GLIS3: variants seen among roughly 807,000 people sequenced by gnomAD.
GLIS3 encodes the protein GLIS family zinc finger 3.
A neutral mutation model predicts 78.6 loss-of-function variants in GLIS3; 53 were observed. That is an observed-to-expected ratio of 0.67 (90% CI 0.54 to 0.85). The LOEUF is 0.85. Among genes scored for constraint, GLIS3 ranks in the 40% least tolerant of loss-of-function variants. GLIS3 has a pLI of 0.00. For synonymous variants in GLIS3, 684 were observed against 509.9 expected (o/e 1.34, Z -4.60); for missense variants, 1,703 against 1,231.1 (o/e 1.38, Z -5.74).
chr9:4,308,642 C>G (rs904826302), intron 4 of GLIS3: 1 of 152,878 alleles, frequency 6.5e-6, no homozygotes, highest in African/African-American at 2.4e-5. Context: ...GGCCCCACCC[C>G]CCAGAGATTC....
the GLIS3 span, among the ~76,000 whole-genome samples, chr9:4,455,333 A>C: frequency 0.067 from 10,197 of 152,290 alleles, 626 homozygotes; most frequent in East Asian, 0.22. Flanking sequence ...ACAACTAAAT[A>C]GCATTATCCA....
intron 4 of GLIS3, among the ~76,000 whole-genome samples, chr9:4,037,116 TA>T (rs1340614307): frequency 6.6e-6 from 1 of 152,230 alleles, no homozygotes; most frequent in African/African-American, 2.4e-5. Context: ...GGAATAGCTT[TA>T]CCTTCCTTAC....
At chr9:4,074,762 G>T (rs546739291) in intron 4 of GLIS3, among the ~76,000 whole-genome samples, 1 of 152,186 alleles carries the variant, frequency 6.6e-6, no homozygotes, top group South Asian at 2.1e-4. Context: ...CAGCCTCCTG[G>T]TCTCAGCCAT....
chr9:3,846,338 C>G (rs1304990641), intron 9 of GLIS3, among the ~76,000 whole-genome samples: 1 of 152,158 alleles, frequency 6.6e-6, no homozygotes, highest in Non-Finnish European at 1.5e-5. Flanking sequence ...CTGATACTCA[C>G]TAGGTATATG....
At chr9:4,385,822 G>C in the GLIS3 span, among the ~76,000 whole-genome samples, 2 of 40,092 alleles carry the variant, frequency 5.0e-5, 1 homozygote, top group Non-Finnish European at 1.2e-4. Context: ...AAGAAAGAAA[G>C]AGAAAAGAAA....
intron 3 of GLIS3, among the ~76,000 whole-genome samples, chr9:4,119,393 A>C (rs1406442118): frequency 6.6e-6 from 1 of 152,184 alleles, no homozygotes; most frequent in Non-Finnish European, 1.5e-5. Flanking sequence ...CCTCAAAGTC[A>C]AAGGGTTGTC....
intron 4 of GLIS3, among the ~76,000 whole-genome samples, chr9:4,069,977 G>A (rs1182588338): frequency 1.3e-5 from 2 of 152,042 alleles, no homozygotes; most frequent in Non-Finnish European, 2.9e-5. Flanking sequence ...GAGGCCAGGA[G>A]AGACCCAGGG....
chr9:3,862,392 C>G (rs892399788), intron 8 of GLIS3, among the ~76,000 whole-genome samples: 3 of 152,190 alleles, frequency 2.0e-5, no homozygotes, highest in Non-Finnish European at 4.4e-5. Context: ...TGAACTTGCT[C>G]AGCCCTGAAC....
At chr9:4,183,732 C>G (rs1161071215) in intron 2 of GLIS3, among the ~76,000 whole-genome samples, 1 of 152,216 alleles carries the variant, frequency 6.6e-6, no homozygotes, top group Non-Finnish European at 1.5e-5. Flanking sequence ...TTCAACTAGA[C>G]TAGCTTTACA....
chr9:4,006,034 C>T (rs1445726019), intron 4 of GLIS3, among the ~76,000 whole-genome samples: 6 of 152,126 alleles, frequency 3.9e-5, no homozygotes, highest in African/African-American at 1.4e-4. Flanking sequence ...CCTTCCTTAC[C>T]TGCTGTTTCA....
intron 2 of GLIS3, among the ~76,000 whole-genome samples, chr9:4,310,933 G>A (rs1242385718): frequency 6.6e-6 from 1 of 152,210 alleles, no homozygotes; most frequent in East Asian, 1.9e-4. Context: ...GTAGTCTGAA[G>A]CTAGAGATTT....
rs186896490 is a variant in GLIS3 at position 4,061,745 on chromosome 9, T to C, written c.1710+56023A>G. ...GCCAACAACATGACGTCCTGAAATG[T>C]TTCTAAAGAAAAAAAGCAGTATGAT... is the stretch of plus-strand genomic sequence containing the variant. On this transcript the variant is annotated intron_variant, in intron 4 of 10. Coordinates refer to ENST00000381971, the MANE Select transcript of GLIS3 (RefSeq NM_001042413.2). 1.1e-3 allele frequency among the ~76,000 whole-genome samples: 168 copies of C among 152,298 alleles called. 2 individuals carry two copies. The highest frequency in any genetic ancestry group is 3.7e-4 in the Non-Finnish European group (25 of 68,030).
the GLIS3 span, among the ~76,000 whole-genome samples, chr9:4,472,140 T>G: frequency 6.6e-6 from 1 of 152,152 alleles, no homozygotes; most frequent in African/African-American, 2.4e-5. Flanking sequence ...GAAATAGGAA[T>G]GCTTTTACAC....
At chr9:4,044,141 G>C (rs547892924) in intron 4 of GLIS3, among the ~76,000 whole-genome samples, 1 of 152,136 alleles carries the variant, frequency 6.6e-6, no homozygotes, top group South Asian at 2.1e-4. Context: ...CATCAGAAAG[G>C]ACATGGGGAG....
the GLIS3 span, among the ~76,000 whole-genome samples, chr9:4,374,059 A>G: frequency 1.3e-5 from 2 of 152,206 alleles, no homozygotes; most frequent in Non-Finnish European, 2.9e-5. Context: ...CAACGAATGG[A>G]ATAGGTAATG....
intron 2 of GLIS3, among the ~76,000 whole-genome samples, chr9:4,182,212 T>C (rs1281505088): frequency 6.6e-6 from 1 of 152,180 alleles, no homozygotes; most frequent in Non-Finnish European, 1.5e-5. Flanking sequence ...TCTGGCTGAG[T>C]TCTGTAGACA....
chr9:4,334,232 T>C (rs1361514457), intron 2 of GLIS3, among the ~76,000 whole-genome samples: 1 of 152,222 alleles, frequency 6.6e-6, no homozygotes. Flanking sequence ...ATAGTGTAAA[T>C]TCCAGGCAGG....
rs564487135 is a variant in GLIS3 at position 3,849,113 on chromosome 9, T to C, written c.2473+6896A>G. 3.9e-5 allele frequency among the ~76,000 whole-genome samples: 6 copies of C among 152,280 alleles called. 1 individual carries two copies. Among genetic ancestry groups the C allele is most frequent in the African/African-American group, 1.4e-4 (6 of 41,568 alleles). ...ACATGGATGACAGAAATCTCTGTGT[T>C]GGCAACTGGAAACTCCAGAGGGATG... On this transcript the variant is annotated intron_variant, in intron 9 of 10. Coordinates refer to ENST00000381971, the MANE Select transcript of GLIS3 (RefSeq NM_001042413.2).
chr9:4,365,235 C>T, the GLIS3 span, among the ~76,000 whole-genome samples: 3 of 151,996 alleles, frequency 2.0e-5, no homozygotes, highest in East Asian at 1.9e-4. Context: ...ACATGCATGG[C>T]GTAAGATATG....
Sources: gnomAD v4.1 joint callset for allele counts (sites outside exome capture counted in the v4.1 genomes callset) on GRCh38, gnomAD v4.1.1 for gene constraint, MANE v1.5 for transcripts, NCBI Gene and HGNC (gene_info 2026-07-23, HGNC 2026-07-21) for gene names.